Variants in PCDHGB1 observed in about 807,000 individuals in gnomAD.
The protein encoded by PCDHGB1 is protocadherin gamma subfamily B, 1.
In PCDHGB1, 34 loss-of-function variants were observed where a neutral mutation model predicts 56.6. The observed-to-expected ratio is 0.60, with a 90% CI of 0.46 to 0.80. PCDHGB1 has a LOEUF of 0.80. Among genes scored for constraint, PCDHGB1 ranks in the 30% least tolerant of loss-of-function variants. The probability of loss-of-function intolerance (pLI) is 0.00; values close to 1 mark genes in which losing one functional copy is unlikely to be tolerated. For synonymous variants in PCDHGB1, 561 were observed against 505.9 expected (o/e 1.11, Z -1.46); for missense variants, 1,278 against 1,204.6 (o/e 1.06, Z -0.90).
At chr5:141,428,185 G>T (rs775261215) in intron 1 of PCDHGB1, 286 of 1,446,232 alleles carry the variant, frequency 2.0e-4, no homozygotes, top group Non-Finnish European at 2.5e-4. Context: ...GAGGACAGCC[G>T]CCGCTCTCTG....
chr5:141,355,921 G>A (rs764054199), intron 1 of PCDHGB1: 4 of 1,613,736 alleles, frequency 2.5e-6, no homozygotes, highest in South Asian at 1.1e-5. Flanking sequence ...TAATGCTCCC[G>A]TGTTCACTCA....
intron 1 of PCDHGB1, chr5:141,390,154 C>A: frequency 6.2e-7 from 1 of 1,614,038 alleles, no homozygotes; most frequent in African/African-American, 1.3e-5. Flanking sequence ...GTTGCACATA[C>A]AGGAAAGACG....
At chr5:141,423,562 AC>A in intron 1 of PCDHGB1, 1 of 1,613,612 alleles carries the variant, frequency 6.2e-7, no homozygotes, top group Non-Finnish European at 8.5e-7. Flanking sequence ...CTATGGGGAC[AC>A]GCTCATCAGC....
intron 1 of PCDHGB1, chr5:141,362,301 T>C: frequency 6.2e-7 from 1 of 1,614,082 alleles, no homozygotes; most frequent in South Asian, 1.1e-5. Context: ...CCAGGTCAGA[T>C]GCTTGGGACT....
chr5:141,374,518 C>T (rs766036470), intron 1 of PCDHGB1: 2 of 1,612,420 alleles, frequency 1.2e-6, no homozygotes, highest in South Asian at 1.1e-5. Flanking sequence ...TTCTCGAAAA[C>T]GCAGCTCCAT....
At chr5:141,480,982 C>T (rs1258067957) in intron 1 of PCDHGB1, among the ~76,000 whole-genome samples, 1 of 152,150 alleles carries the variant, frequency 6.6e-6, no homozygotes, top group African/African-American at 2.4e-5. Context: ...TCAGTGAACC[C>T]AGGATGTGGA....
chr5:141,407,478 A>G (rs1230151085), intron 1 of PCDHGB1, among the ~76,000 whole-genome samples: 1 of 144,006 alleles, frequency 6.9e-6, no homozygotes, highest in Non-Finnish European at 1.6e-5. Flanking sequence ...TGAATGGAGT[A>G]TGGAAAATCT....
chr5:141,479,574 T>A (rs1291334449), intron 1 of PCDHGB1: 1 of 152,228 alleles, frequency 6.6e-6, no homozygotes, highest in South Asian at 2.1e-4. Context: ...GGATGACATC[T>A]GTGAATAGCC....
At chr5:141,400,227 C>A (rs760084071) in intron 1 of PCDHGB1, 2 of 1,614,052 alleles carry the variant, frequency 1.2e-6, no homozygotes, top group Non-Finnish European at 1.7e-6. Flanking sequence ...TGCTCTTCCT[C>A]CTGGCCGTGA....
At position 141,415,593 on chromosome 5, in the gene PCDHGB1, G is replaced by A. The variant is rs201857595; in HGVS notation, c.2409+62924G>A. ...TAGATGATTCGAAGTTTCCTATAGA[G>A]GATACCCCATTGGTTCCAGTGAGTT... On this transcript the variant is annotated intron_variant, in intron 1 of 3. Transcript: ENST00000523390. The A allele has an allele frequency of 7.6e-5, 122 of 1,613,876 alleles. No homozygotes were observed. In the East Asian group the frequency reaches 2.7e-3, roughly 35 times the overall value.
intron 1 of PCDHGB1, chr5:141,398,921 C>A: frequency 6.2e-7 from 1 of 1,613,962 alleles, no homozygotes; most frequent in African/African-American, 1.3e-5. Flanking sequence ...TTGCAAGTGT[C>A]AGCCACTGAC....
intron 1 of PCDHGB1, chr5:141,478,768 A>G: frequency 6.7e-7 from 1 of 1,501,046 alleles, no homozygotes; most frequent in African/African-American, 1.4e-5. Context: ...TACTTGACTC[A>G]TCTGTGGACC....
At chr5:141,427,999 T>C (rs1319115693) in intron 1 of PCDHGB1, 9 of 1,601,068 alleles carry the variant, frequency 5.6e-6, no homozygotes, top group African/African-American at 1.3e-5. Context: ...GGCTCCGCAC[T>C]CTTCGATATA....
At chr5:141,439,727 C>G (rs940325016) in intron 1 of PCDHGB1, 2 of 152,406 alleles carry the variant, frequency 1.3e-5, no homozygotes, top group Non-Finnish European at 2.9e-5. Context: ...AAATTATAAG[C>G]AGGAACGGAA....
At chr5:141,420,457 T>A in intron 1 of PCDHGB1, 1 of 927,890 alleles carries the variant, frequency 1.1e-6, no homozygotes. Flanking sequence ...TTCCTACTAT[T>A]CAAAGACATT....
At chr5:141,376,522 G>T in intron 1 of PCDHGB1, 1 of 1,613,784 alleles carries the variant, frequency 6.2e-7, no homozygotes, top group Non-Finnish European at 8.5e-7. Context: ...GTTTCTTTCC[G>T]CCTAAGCGGG....
intron 1 of PCDHGB1, chr5:141,355,008 C>G (rs959780132): frequency 1.5e-5 from 12 of 807,364 alleles, no homozygotes; most frequent in Non-Finnish European, 1.8e-5. Context: ...AAAGACAAAC[C>G]AGAAATTTAA....
At chr5:141,457,568 T>A (rs1397626206) in intron 1 of PCDHGB1, among the ~76,000 whole-genome samples, 1 of 152,190 alleles carries the variant, frequency 6.6e-6, no homozygotes, top group African/African-American at 2.4e-5. Context: ...TGGAGCAAAA[T>A]TTTTCTCTCC....
In PCDHGB1 at chr5:141,351,055, C is replaced by G; in HGVS notation, c.795C>G (p.Asp265Glu). The change falls in exon 1 of 4, where the codon GAC becomes GAG. Residue 265 changes from aspartate (D) to glutamate (E), a missense_variant. Asp to Glu is a conservative substitution (Grantham distance 45, BLOSUM62 2). Transcript: ENST00000523390. The part of the protein sequence containing the change: ...GTSVLRVMAT[D>E]QDEGINAEIT... ...CCGTGCTGCGGGTGATGGCCACAGA[C>G]CAGGATGAGGGCATTAATGCAGAGA... 2 of 1,614,046 alleles carry G rather than the reference C, an allele frequency of 1.2e-6. No homozygotes were observed. Among genetic ancestry groups the G allele is most frequent in the Non-Finnish European group, 1.7e-6 (2 of 1,179,890 alleles).
Sources: gnomAD v4.1 joint callset for allele counts (sites outside exome capture counted in the v4.1 genomes callset) on GRCh38, gnomAD v4.1.1 for gene constraint, MANE v1.5 for transcripts, NCBI Gene and HGNC (gene_info 2026-07-23, HGNC 2026-07-21) for gene names.